The following ESRRG variants were observed in gnomAD, a reference collection of about 807,000 sequenced individuals.
The protein encoded by ESRRG is estrogen related receptor gamma.
ESRRG carries 13 observed loss-of-function variants against 44.0 expected under a neutral mutation model. That is an observed-to-expected ratio of 0.30 (90% CI 0.19 to 0.47). The LOEUF is 0.47. ESRRG is among the 20% of genes least tolerant of loss of function. The probability of loss-of-function intolerance (pLI) is 1.00; values close to 1 mark genes in which losing one functional copy is unlikely to be tolerated. For missense variants in ESRRG, 395 were observed against 580.6 expected, an observed-to-expected ratio of 0.68 and a Z score of 3.29; for synonymous variants, 215 against 214.6, an observed-to-expected ratio of 1.00 and a Z score of -0.02.
At chr1:216,696,355 G>A (rs751797263) in intron 1 of ESRRG, among the ~76,000 whole-genome samples, 11 of 152,026 alleles carry the variant, frequency 7.2e-5, no homozygotes, top group South Asian at 4.2e-4. Flanking sequence ...GTAGACATAC[G>A]TATGTTTAAC....
chr1:217,101,882 C>T (rs527382963), intron 1 of ESRRG, among the ~76,000 whole-genome samples: 101 of 152,270 alleles, frequency 6.6e-4, no homozygotes, highest in African/African-American at 2.3e-3. Flanking sequence ...TCTTGGCTCA[C>T]CGCAACCTCT....
At chr1:216,909,266 G>A (rs1007796521) in intron 2 of ESRRG, among the ~76,000 whole-genome samples, 13 of 152,142 alleles carry the variant, frequency 8.5e-5, no homozygotes, top group Non-Finnish European at 1.8e-4. Flanking sequence ...AAAAGCACAT[G>A]CAATTTAGAT....
chr1:216,562,343 C>T lies in ESRRG; in HGVS notation c.862+1876G>A, dbSNP rs541406593. On this transcript the variant is annotated intron_variant, in intron 5 of 6. Transcript: ENST00000408911. ...GAGACTAAAATATCTTGATTCTACT[C>T]CAGGAAGCCACTCTGAAGGTACTGG... Among the ~76,000 whole-genome samples the T allele has an allele frequency of 2.6e-5, 4 of 152,192 alleles. 1 individual carries two copies. The East Asian group carries it at 7.7e-4, about 29-fold the overall frequency.
chr1:216,986,473 G>C (rs572349467), intron 1 of ESRRG, among the ~76,000 whole-genome samples: 1 of 151,990 alleles, frequency 6.6e-6, no homozygotes, highest in Non-Finnish European at 1.5e-5. Flanking sequence ...CAGCACTTTG[G>C]GAGGCGAAGG....
chr1:216,540,953 C>A (rs1412560660), intron 5 of ESRRG, among the ~76,000 whole-genome samples: 1 of 151,874 alleles, frequency 6.6e-6, no homozygotes, highest in Non-Finnish European at 1.5e-5. Context: ...TTCTTTATAA[C>A]CCGGGAAGAT....
intron 2 of ESRRG, among the ~76,000 whole-genome samples, chr1:216,848,687 T>C (rs962416619): frequency 6.6e-6 from 1 of 152,112 alleles, no homozygotes; most frequent in Admixed American, 6.6e-5. Flanking sequence ...CCTACCAATT[T>C]GCAGCAAAGC....
intron 2 of ESRRG, among the ~76,000 whole-genome samples, chr1:216,786,837 G>A (rs972309156): frequency 6.6e-6 from 1 of 152,104 alleles, no homozygotes; most frequent in Non-Finnish European, 1.5e-5. Context: ...AAGTGTCTAA[G>A]ACTCCACTTT....
chr1:216,559,630 G>A (rs1460678179), intron 5 of ESRRG, among the ~76,000 whole-genome samples: 1 of 152,076 alleles, frequency 6.6e-6, no homozygotes, highest in South Asian at 2.1e-4. Flanking sequence ...CATTATAAAC[G>A]GAAACATAAC....
At chr1:216,919,197 G>A (rs2061536100) in intron 2 of ESRRG, among the ~76,000 whole-genome samples, 2 of 152,092 alleles carry the variant, frequency 1.3e-5, no homozygotes, top group Admixed American at 6.6e-5. Flanking sequence ...CAAACGGGAG[G>A]CCTCACGTGC....
chr1:216,971,539 C>T (rs953678476), intron 1 of ESRRG, among the ~76,000 whole-genome samples: 2 of 152,260 alleles, frequency 1.3e-5, no homozygotes, highest in South Asian at 4.1e-4. Context: ...TCAAAAGATT[C>T]ATCTGTTATT....
At chr1:216,695,754 T>C (rs1209631836) in intron 1 of ESRRG, among the ~76,000 whole-genome samples, 1 of 152,178 alleles carries the variant, frequency 6.6e-6, no homozygotes, top group Non-Finnish European at 1.5e-5. Flanking sequence ...ATGGCATTAG[T>C]TTAAATAATA....
intron 2 of ESRRG, among the ~76,000 whole-genome samples, chr1:216,912,257 AGAGGAGAGGGGAGGG>A (rs2060551248): frequency 2.1e-5 from 1 of 48,368 alleles, no homozygotes; most frequent in African/African-American, 7.7e-5. Flanking sequence ...AGAGGAGAGG[AGAGGAGAGGGGAGGG>A]GAGGAGAGGG....
intron 2 of ESRRG, among the ~76,000 whole-genome samples, chr1:216,916,340 C>T (rs1456210376): frequency 6.6e-6 from 1 of 152,152 alleles, no homozygotes; most frequent in Non-Finnish European, 1.5e-5. Flanking sequence ...CATCATGCCC[C>T]GCATGTGTGT....
intron 2 of ESRRG, among the ~76,000 whole-genome samples, chr1:216,655,878 C>T (rs1192059620): frequency 6.6e-6 from 1 of 152,126 alleles, no homozygotes; most frequent in African/African-American, 2.4e-5. Flanking sequence ...TTAGAGTCTA[C>T]AGAGATTGTG....
At chr1:216,924,065 C>T (rs535442002) in intron 2 of ESRRG, among the ~76,000 whole-genome samples, 61 of 152,236 alleles carry the variant, frequency 4.0e-4, no homozygotes, top group African/African-American at 1.5e-3. Context: ...CCTTTCCAAA[C>T]CTGAAGAGAA....
intron 1 of ESRRG, among the ~76,000 whole-genome samples, chr1:217,073,054 A>G (rs2090770127): frequency 6.6e-6 from 1 of 151,994 alleles, no homozygotes. Flanking sequence ...AGCATCAGAC[A>G]AGGGTGGTTA....
intron 1 of ESRRG, among the ~76,000 whole-genome samples, chr1:216,699,673 C>T (rs774866328): frequency 2.0e-5 from 3 of 151,858 alleles, no homozygotes; most frequent in Non-Finnish European, 4.4e-5. Flanking sequence ...AAAAATGGAA[C>T]GAGGGATGAT....
chr1:216,734,728 TA>T (rs1397332109), intron 2 of ESRRG, among the ~76,000 whole-genome samples: 1 of 152,194 alleles, frequency 6.6e-6, no homozygotes, highest in Non-Finnish European at 1.5e-5. Context: ...TTGAGTTTTT[TA>T]AAAATGAGTT....
intron 2 of ESRRG, among the ~76,000 whole-genome samples, chr1:216,751,291 A>G (rs1039387292): frequency 6.6e-6 from 1 of 152,180 alleles, no homozygotes; most frequent in Non-Finnish European, 1.5e-5. Context: ...AACTGGGATC[A>G]TGAACAATAG....
Sources: gnomAD v4.1 joint callset for allele counts (sites outside exome capture counted in the v4.1 genomes callset) on GRCh38, gnomAD v4.1.1 for gene constraint, MANE v1.5 for transcripts, NCBI Gene and HGNC (gene_info 2026-07-23, HGNC 2026-07-21) for gene names.